Variants in RIF1 observed in about 807,000 individuals in gnomAD.
RIF1 encodes telomere-associated protein RIF1.
A neutral mutation model predicts 247.1 loss-of-function variants in RIF1; 45 were observed. The observed-to-expected ratio is 0.18, with a 90% CI of 0.14 to 0.23. RIF1 has a LOEUF of 0.23. Among genes scored for constraint, RIF1 ranks in the 10% least tolerant of loss-of-function variants. The pLI is 1.00. For missense variants in RIF1, 2,967 were observed against 2,862.5 expected (o/e 1.04, Z -0.83); for synonymous variants, 1,087 against 978.8 (o/e 1.11, Z -2.06).
chr2:151,512,349 T>A (rs2075196110), downstream of RIF1, among the ~76,000 whole-genome samples: 1 of 150,956 alleles, frequency 6.6e-6, no homozygotes, highest in African/African-American at 2.4e-5. Context: ...CTTTTTTTTT[T>A]AAGAGTCTCA....
Position 151,463,208 on chromosome 2 carries a change from T to C in RIF1, c.3688T>C (p.Ser1230Pro). The change falls in exon 30 of 36, where the codon TCA becomes CCA. Residue 1230 changes from serine (S) to proline (P), a missense_variant. Physicochemically the swap from Ser to Pro is moderately conservative, Grantham distance 74 (BLOSUM62 -1). This residue lies in a region of RIF1 where 2,028 missense variants were observed against 1,825.6 expected (regional missense o/e 1.11). Coordinates refer to ENST00000444746, the MANE Select transcript of RIF1 (RefSeq NM_018151.5). ...TFITLEKFDG[S>P]ENRPFSPSPL... ...TATTACTTTGGAGAAGTTTGATGGT[T>C]CAGAAAATAGACCTTTTAGTCCATC... The C allele has an allele frequency of 6.2e-7, 1 of 1,614,152 alleles. No homozygotes were observed. Among genetic ancestry groups the C allele is most frequent in the African/African-American group, 1.3e-5 (1 of 75,044 alleles).
chr2:151,418,991 T>TA (rs1491344477), intron 6 of RIF1, among the ~76,000 whole-genome samples: 43 of 63,592 alleles, frequency 6.8e-4, no homozygotes, highest in African/African-American at 1.8e-3. Context: ...TTTTTTTTTT[T>TA]AACTTTCATA....
At chr2:151,443,821 T>G (rs1241017332) in intron 18 of RIF1, 112 bp downstream of exon 18, 2 of 624,210 alleles carry the variant, frequency 3.2e-6, no homozygotes, top group Non-Finnish European at 5.1e-6. Context: ...AAATATTTTT[T>G]CTGGTGGAAT....
intron 34 of RIF1, among the ~76,000 whole-genome samples, chr2:151,473,654 TA>T (rs1181043704): frequency 3.3e-5 from 5 of 152,180 alleles, no homozygotes; most frequent in Non-Finnish European, 7.3e-5. Flanking sequence ...TAGACTTTTT[TA>T]TACCACATTC....
At chr2:151,447,711 A>G (rs559717741) in intron 20 of RIF1, among the ~76,000 whole-genome samples, 1 of 152,026 alleles carries the variant, frequency 6.6e-6, no homozygotes, top group South Asian at 2.1e-4. Flanking sequence ...ATGCCCAGCT[A>G]ATTTTGTATT....
At chr2:151,496,256 TTTC>T (rs1314765000) in intron 10 of RIF1, 4 of 1,568,732 alleles carry the variant, frequency 2.5e-6, no homozygotes, top group Non-Finnish European at 3.5e-6. Flanking sequence ...AAGTAGTTTT[TTTC>T]TTTTCTCGCC....
chr2:151,518,254 T>A, the RIF1 span: 14 of 1,197,096 alleles, frequency 1.2e-5, no homozygotes, highest in Admixed American at 1.7e-5. Flanking sequence ...TCTATGAAAT[T>A]TTTTTTCACA....
chr2:151,482,269 A>G (rs920989171), downstream of RIF1: 1 of 152,180 alleles, frequency 6.6e-6, no homozygotes, highest in Non-Finnish European at 1.5e-5. Flanking sequence ...CAAATACCAC[A>G]AAGTGTATGT....
the RIF1 span, chr2:151,524,698 A>T: frequency 3.6e-6 from 4 of 1,097,600 alleles, no homozygotes; most frequent in Admixed American, 5.4e-5. Context: ...ATGGAATCTC[A>T]CTCTGTTGCC....
At chr2:151,507,657 T>G in intron 13 of RIF1, 1 of 231,142 alleles carries the variant, frequency 4.3e-6, no homozygotes, top group Non-Finnish European at 8.6e-6. Context: ...CCCTGTTTCT[T>G]TGGGTAGTCA....
At chr2:151,514,538 G>C in the RIF1 span, 2 of 883,478 alleles carry the variant, frequency 2.3e-6, no homozygotes, top group Non-Finnish European at 3.7e-6. Context: ...TCACAGTTTA[G>C]TAAGTAAAAA....
rs1689573036 is a variant in RIF1 at position 151,428,900 on chromosome 2, A to C, written c.903A>C (p.Ile301=). The change falls in exon 9 of 36, where the codon ATA becomes ATC. Residue 301 remains isoleucine, a synonymous_variant. Coordinates refer to ENST00000444746, the MANE Select transcript of RIF1 (RefSeq NM_018151.5). Reference sequence around the variant, plus strand: ...CTTTTATTGCTTGGAAGAGTTTAATAGATAATTTTGCTTTAAATCCAGGTA... The same window carrying C: ...CTTTTATTGCTTGGAAGAGTTTAATCGATAATTTTGCTTTAAATCCAGGTA... ...KIAFIAWKSL[I]DNFALNPDIL... 3 of 1,503,484 alleles carry C rather than the reference A, an allele frequency of 2.0e-6. No homozygotes were observed. In the South Asian group the frequency reaches 3.4e-5, roughly 17 times the overall value. 93.1% of individuals were successfully genotyped at this position (1,503,484 alleles called of 1,614,324 possible). A position where few individuals can be genotyped will look rare whatever the true frequency, so the allele number is the denominator to read the frequency against.
intron 9 of RIF1, among the ~76,000 whole-genome samples, chr2:151,494,434 CAGGAT>C (rs1251726579): frequency 1.3e-5 from 2 of 152,072 alleles, no homozygotes; most frequent in East Asian, 3.9e-4. Flanking sequence ...AAGACACAAC[CAGGAT>C]AGGCACCTGC....
In RIF1 at chr2:151,437,354, A is replaced by G. The variant is rs750893698; in HGVS notation, c.1483+3A>G. ...TGCAGTTGGAAAAGATGCCCCCGGT[A>G]AGAGAATTTGATTTATTATTTGCTC... is the stretch of plus-strand genomic sequence containing the variant. On this transcript the variant is annotated splice_donor_region_variant and intron_variant, in intron 13 of 35. Transcript: ENST00000444746. 1.3e-6 allele frequency: 2 copies of G among 1,597,746 alleles called. No homozygotes were observed. Among genetic ancestry groups the G allele is most frequent in the East Asian group, 2.2e-5 (1 of 44,798 alleles).
intron 34 of RIF1, among the ~76,000 whole-genome samples, chr2:151,471,554 T>G (rs1220779345): frequency 1.3e-5 from 2 of 152,214 alleles, no homozygotes; most frequent in Non-Finnish European, 2.9e-5. Flanking sequence ...GTATAAGGTG[T>G]AAGGAAGGGA....
At position 151,463,551 on chromosome 2, in the gene RIF1, A is replaced by C. The variant is rs1696500286; in HGVS notation, c.4031A>C (p.His1344Pro). The C allele has an allele frequency of 6.2e-7, 1 of 1,613,884 alleles. No homozygotes were observed. The change falls in exon 30 of 36, where the codon CAT (histidine) becomes CCT (proline). Residue 1344 changes from histidine (H) to proline (P), a missense_variant. By Grantham distance (77) the His-to-Pro change is moderately conservative (BLOSUM62 -2). Around this residue, in one of 7 missense-constraint regions of RIF1, gnomAD observed 2,028 missense variants for 1,825.6 expected, o/e 1.11. Coordinates refer to ENST00000444746, the MANE Select transcript of RIF1 (RefSeq NM_018151.5). ...QTECVSDNQV[H>P]LSESTMEHDN... ...GAATGTGTGTCAGATAATCAGGTTC[A>C]TCTTTCTGAATCTACAATGGAGCAT...
At chr2:151,437,150 C>T (rs533359821) in intron 12 of RIF1, 91 bp from the exon 13 acceptor site, 459 of 1,219,496 alleles carry the variant, frequency 3.8e-4, no homozygotes, top group Non-Finnish European at 5.0e-4. Context: ...GAAAACACAC[C>T]TACTTAATAG....
At chr2:151,519,022 G>A in the RIF1 span, 93 of 1,613,726 alleles carry the variant, frequency 5.8e-5, no homozygotes, top group South Asian at 9.2e-4. Context: ...ACTCCTTCAT[G>A]TCAGTCACGG....
intron 12 of RIF1, among the ~76,000 whole-genome samples, chr2:151,503,910 T>C (rs898577211): frequency 6.6e-6 from 1 of 152,178 alleles, no homozygotes; most frequent in Non-Finnish European, 1.5e-5. Context: ...TGGCTCCTAA[T>C]CTGTAGGAGC....
Sources: allele counts gnomAD v4.1 joint callset (sites outside exome capture counted in the v4.1 genomes callset), GRCh38; gene constraint gnomAD v4.1.1; regional missense constraint gnomAD v4.1.1; transcripts MANE v1.5; gene names NCBI Gene and HGNC (gene_info 2026-07-23, HGNC 2026-07-21).